GPHN: variants seen among roughly 807,000 people sequenced by gnomAD.
GPHN encodes gephyrin.
A neutral mutation model predicts 95.5 loss-of-function variants in GPHN; 17 were observed. The observed-to-expected ratio is 0.18, with a 90% confidence interval of 0.12 to 0.27. The LOEUF (loss-of-function observed/expected upper bound fraction) is 0.27, where lower values mean the gene tolerates loss of function less well. Ranked by LOEUF, GPHN falls within the 10% of genes least tolerant of loss-of-function variation. The probability of loss-of-function intolerance (pLI) is 1.00; values close to 1 mark genes in which losing one functional copy is unlikely to be tolerated. For synonymous variants in GPHN, 320 were observed against 322.5 expected (o/e 0.99, Z 0.08); for missense variants, 660 against 978.1 (o/e 0.67, Z 4.34).
At chr14:67,084,022 C>T (rs1170978723) in intron 11 of GPHN, among the ~76,000 whole-genome samples, 3 of 152,168 alleles carry the variant, frequency 2.0e-5, no homozygotes, top group Non-Finnish European at 4.4e-5. Context: ...ATACCAAACA[C>T]TGTGCTTGAT....
chr14:67,250,569 C>T, the GPHN span, among the ~76,000 whole-genome samples: 1 of 152,172 alleles, frequency 6.6e-6, no homozygotes, highest in Admixed American at 6.5e-5. Context: ...TTCTGATAGT[C>T]ATCTGGGCCC....
the GPHN span, among the ~76,000 whole-genome samples, chr14:67,602,104 C>A: frequency 6.6e-6 from 1 of 152,168 alleles, no homozygotes; most frequent in Non-Finnish European, 1.5e-5. Flanking sequence ...TAAAGAACTA[C>A]CTGAGACTCG....
chr14:66,849,970 A>G lies in GPHN; in HGVS notation c.294+25404A>G, dbSNP rs553843914. On this transcript the variant is annotated intron_variant, in intron 4 of 22. Transcript: ENST00000478722. ...AAGCCAAAAATTATATCCTGAATCA[A>G]AGGCATTAAGTTAATAAAATACAAA... Among the ~76,000 whole-genome samples, 138 of 152,258 alleles carry G rather than the reference A, an allele frequency of 9.1e-4. 1 individual carries two copies. The highest frequency in any genetic ancestry group is 3.2e-3 in the African/African-American group (134 of 41,584).
At chr14:66,913,284 T>A (rs2065757341) in intron 5 of GPHN, among the ~76,000 whole-genome samples, 1 of 152,120 alleles carries the variant, frequency 6.6e-6, no homozygotes, top group South Asian at 2.1e-4. Flanking sequence ...TTTTTTTAAC[T>A]CTATGCTTTT....
chr14:66,703,392 A>C (rs1163292303), intron 2 of GPHN, among the ~76,000 whole-genome samples: 1 of 152,182 alleles, frequency 6.6e-6, no homozygotes, highest in Non-Finnish European at 1.5e-5. Context: ...GGACAGCCAG[A>C]GAGAAAGGCC....
At chr14:66,661,852 C>A (rs1348114282) in intron 1 of GPHN, among the ~76,000 whole-genome samples, 2 of 151,946 alleles carry the variant, frequency 1.3e-5, no homozygotes, top group African/African-American at 4.8e-5. Context: ...AGCCCACGCC[C>A]ACCAGGGCAG....
At chr14:67,444,250 G>T in the GPHN span, among the ~76,000 whole-genome samples, 9 of 152,238 alleles carry the variant, frequency 5.9e-5, no homozygotes, top group East Asian at 1.7e-3. Flanking sequence ...TGTGTCATGG[G>T]CATGCATCCT....
the GPHN span, among the ~76,000 whole-genome samples, chr14:67,439,728 G>A: frequency 3.3e-5 from 5 of 152,130 alleles, no homozygotes; most frequent in African/African-American, 1.2e-4. Flanking sequence ...ACACAATGCA[G>A]TAGATTTTTC....
At chr14:66,890,300 C>A (rs1369474978) in intron 5 of GPHN, among the ~76,000 whole-genome samples, 1 of 150,658 alleles carries the variant, frequency 6.6e-6, no homozygotes, top group Admixed American at 6.7e-5. Context: ...CCCAGCTACT[C>A]AGGGGTCTGA....
chr14:67,395,528 G>C, the GPHN span: 1 of 1,614,174 alleles, frequency 6.2e-7, no homozygotes, highest in Non-Finnish European at 8.5e-7. Context: ...CTCCTCTCGA[G>C]AACAGGCCTC....
At chr14:66,974,794 G>C (rs1365750965) in intron 9 of GPHN, among the ~76,000 whole-genome samples, 2 of 152,050 alleles carry the variant, frequency 1.3e-5, no homozygotes, top group Non-Finnish European at 2.9e-5. Flanking sequence ...ATCATACCAA[G>C]AAGGCAGTGA....
rs145690784 is a variant in GPHN, at chr14:66,771,384, C to T, written c.144-5080C>T. 2.9e-4 allele frequency among the ~76,000 whole-genome samples: 44 copies of T among 152,166 alleles called. No individual in the cohort carries two copies. In the East Asian group the frequency reaches 8.5e-3, roughly 29 times the overall value. ...TTGTCTTTTCTTGGGTGAATAGTAG[C>T]CACCCAGAGATAACAGATAACCCTG... On this transcript the variant is annotated intron_variant, in intron 2 of 22. Transcript: ENST00000478722.
At chr14:67,669,314 G>A in the GPHN span, among the ~76,000 whole-genome samples, 2 of 150,174 alleles carry the variant, frequency 1.3e-5, no homozygotes, top group East Asian at 3.9e-4. Flanking sequence ...CTGTCACCCA[G>A]GTTGGAGTGC....
At chr14:66,637,826 T>C (rs1208312604) in intron 1 of GPHN, among the ~76,000 whole-genome samples, 1 of 152,130 alleles carries the variant, frequency 6.6e-6, no homozygotes, top group African/African-American at 2.4e-5. Context: ...CTGACAAAAA[T>C]CTTAGAAAGT....
chr14:66,666,412 TAAAA>T (rs201341918), intron 1 of GPHN, among the ~76,000 whole-genome samples: 1 of 147,058 alleles, frequency 6.8e-6, no homozygotes, highest in African/African-American at 2.5e-5. Context: ...CATTTTTTAA[TAAAA>T]AAAAAAGCTT....
chr14:66,729,581 T>C (rs1210656266), intron 2 of GPHN, among the ~76,000 whole-genome samples: 1 of 152,200 alleles, frequency 6.6e-6, no homozygotes, highest in African/African-American at 2.4e-5. Flanking sequence ...ATGGAAATAG[T>C]CTATATGTTG....
the GPHN span, among the ~76,000 whole-genome samples, chr14:67,547,822 A>AT: frequency 6.6e-6 from 1 of 152,292 alleles, no homozygotes; most frequent in South Asian, 2.1e-4. Flanking sequence ...GCTAAAAAGA[A>AT]TTTTTTTAAA....
At chr14:66,936,904 T>C (rs1254362296) in intron 8 of GPHN, among the ~76,000 whole-genome samples, 1 of 152,260 alleles carries the variant, frequency 6.6e-6, no homozygotes, top group Non-Finnish European at 1.5e-5. Context: ...TTATTAGTTT[T>C]CTTCAACTTG....
At chr14:66,891,130 G>T (rs558219787) in intron 5 of GPHN, among the ~76,000 whole-genome samples, 1 of 151,476 alleles carries the variant, frequency 6.6e-6, no homozygotes, top group African/African-American at 2.4e-5. Context: ...TGGAAAGGAA[G>T]AAGTAAACCT....
Sources: gnomAD v4.1 joint callset for allele counts (sites outside exome capture counted in the v4.1 genomes callset) on GRCh38, gnomAD v4.1.1 for gene constraint, MANE v1.5 for transcripts, NCBI Gene and HGNC (gene_info 2026-07-23, HGNC 2026-07-21) for gene names.